The following LGR4 variants were observed in gnomAD, a reference collection of about 807,000 sequenced individuals.
LGR4 encodes leucine rich repeat containing G protein-coupled receptor 4.
LGR4 carries 44 observed loss-of-function variants against 84.8 expected under a neutral mutation model. The observed-to-expected ratio is 0.52, with a 90% confidence interval of 0.41 to 0.67. LGR4 has a LOEUF of 0.67. Among genes scored for constraint, LGR4 ranks in the 30% least tolerant of loss-of-function variants. The pLI, the probability that LGR4 is intolerant of heterozygous loss-of-function variation, is 0.00. For synonymous variants in LGR4, 429 were observed against 434.3 expected (o/e 0.99, Z 0.15); for missense variants, 1,032 against 1,131.4 (o/e 0.91, Z 1.26).
In LGR4 at chr11:27,376,288, G is replaced by T. The variant is rs1267870301; in HGVS notation, c.1181+11C>A. ...AAATTTATTGTCTTTAATAATCATAGACAAACTTACAGAATCCTTAGAGAT... is the reference window on the plus strand; with the variant it reads ...AAATTTATTGTCTTTAATAATCATATACAAACTTACAGAATCCTTAGAGAT... On this transcript the variant is annotated intron_variant, in intron 13 of 17. Coordinates refer to ENST00000379214, the MANE Select transcript of LGR4 (RefSeq NM_018490.5). The T allele has an allele frequency of 4.0e-6, 6 of 1,511,354 alleles. No homozygotes were observed. The highest frequency in any genetic ancestry group is 4.5e-6 in the Non-Finnish European group (5 of 1,101,978). 93.6% of individuals were successfully genotyped at this position (1,511,354 alleles called of 1,614,324 possible).
rs111956059 is a variant in LGR4, at chr11:27,466,946, G to T, written c.185+5172C>A. 3.7e-3 allele frequency among the ~76,000 whole-genome samples: 564 copies of T among 152,028 alleles called. 2 individuals carry two copies. The highest frequency in any genetic ancestry group is 0.02 in the Middle Eastern group (6 of 294). ...CTACAGGCGTGCACCACCACGCCCG[G>T]CTAATTTTTTTTTATTTTAAGTAGA... On this transcript the variant is annotated intron_variant, in intron 1 of 17. Coordinates refer to ENST00000379214, the MANE Select transcript of LGR4 (RefSeq NM_018490.5).
At chr11:27,414,868 T>C (rs1489457793) in intron 1 of LGR4, among the ~76,000 whole-genome samples, 17 of 152,150 alleles carry the variant, frequency 1.1e-4, no homozygotes, top group Non-Finnish European at 2.4e-4. Context: ...CTTCCTGGCC[T>C]GACATGATAT....
intron 1 of LGR4, among the ~76,000 whole-genome samples, chr11:27,449,334 G>A (rs1322746449): frequency 6.6e-6 from 1 of 152,180 alleles, no homozygotes; most frequent in Non-Finnish European, 1.5e-5. Context: ...TGTAATCCCA[G>A]CACTTCAGGA....
At chr11:27,428,027 A>G (rs1194557828) in intron 1 of LGR4, among the ~76,000 whole-genome samples, 2 of 152,118 alleles carry the variant, frequency 1.3e-5, no homozygotes, top group Non-Finnish European at 2.9e-5. Flanking sequence ...TCCTGGATTC[A>G]TATTTTCTTG....
intron 1 of LGR4, among the ~76,000 whole-genome samples, chr11:27,424,077 T>C (rs1181890485): frequency 1.3e-5 from 2 of 152,190 alleles, no homozygotes; most frequent in African/African-American, 2.4e-5. Context: ...TGGTGTTTTA[T>C]TGAAGCAGTT....
chr11:27,395,230 A>G (rs146699495), intron 2 of LGR4, among the ~76,000 whole-genome samples: 18 of 152,290 alleles, frequency 1.2e-4, no homozygotes, highest in African/African-American at 4.3e-4. Context: ...CCTCCAAAAA[A>G]GAAACACTAT....
chr11:27,450,554 CG>C (rs1864465334), intron 1 of LGR4, among the ~76,000 whole-genome samples: 1 of 152,010 alleles, frequency 6.6e-6, no homozygotes, highest in South Asian at 2.1e-4. Context: ...TTTGAGAAGC[CG>C]AGGTGGGTGG....
chr11:27,411,487 T>C (rs944273372), intron 2 of LGR4, among the ~76,000 whole-genome samples: 26 of 152,138 alleles, frequency 1.7e-4, no homozygotes, highest in Non-Finnish European at 3.2e-4. Flanking sequence ...TCTTATGCAC[T>C]TTGAAAATAG....
intron 1 of LGR4, among the ~76,000 whole-genome samples, chr11:27,433,499 G>A (rs891918236): frequency 6.6e-6 from 1 of 151,888 alleles, no homozygotes; most frequent in East Asian, 1.9e-4. Context: ...CCAAAGTGCT[G>A]GGATTACAGG....
At chr11:27,381,705 TC>T (rs113949803) in intron 7 of LGR4, among the ~76,000 whole-genome samples, 59 of 11,590 alleles carry the variant, frequency 5.1e-3, no homozygotes, top group Non-Finnish European at 0.026. Context: ...ATACAAACAA[TC>T]AAAAAAAAAA....
At chr11:27,369,576 C>T (rs1268065502) in intron 17 of LGR4, among the ~76,000 whole-genome samples, 1 of 152,072 alleles carries the variant, frequency 6.6e-6, no homozygotes, top group East Asian at 1.9e-4. Context: ...AACCTGTATT[C>T]ATTTTCTCAC....
At chr11:27,412,659 C>CTCACAAAGCCCACTGAAATTAAGCTA (rs1863732995) in intron 2 of LGR4, 130 bp downstream of exon 2, 2 of 696,532 alleles carry the variant, frequency 2.9e-6, no homozygotes, top group Non-Finnish European at 5.1e-6. Flanking sequence ...TGATTTCCTC[C>CTCACAAAGCCCACTGAAATTAAGCTA]TCACAAAGCC....
chr11:27,445,808 T>C (rs140713777), intron 1 of LGR4, among the ~76,000 whole-genome samples: 1 of 151,702 alleles, frequency 6.6e-6, no homozygotes, highest in African/African-American at 2.4e-5. Flanking sequence ...AGCCCACAGG[T>C]GAAGGTTGCA....
chr11:27,411,015 G>A (rs1008372799), intron 2 of LGR4, among the ~76,000 whole-genome samples: 4 of 152,080 alleles, frequency 2.6e-5, no homozygotes, highest in East Asian at 1.9e-4. Flanking sequence ...TCTTCACTTC[G>A]AAATTCCTTA....
chr11:27,465,527 C>T (rs1864761821), intron 1 of LGR4, among the ~76,000 whole-genome samples: 3 of 152,220 alleles, frequency 2.0e-5, no homozygotes, highest in Admixed American at 6.5e-5. Context: ...CTCAGCCATA[C>T]ACAAAGTTTA....
chr11:27,433,024 C>T (rs1864139705), intron 1 of LGR4, among the ~76,000 whole-genome samples: 1 of 152,162 alleles, frequency 6.6e-6, no homozygotes, highest in African/African-American at 2.4e-5. Context: ...ATAATAAGAA[C>T]TTTGGGTTTG....
rs1863647362 is a variant in LGR4 at position 27,408,126 on chromosome 11, T to C, written c.257+4663A>G. 2.6e-5 allele frequency among the ~76,000 whole-genome samples: 4 copies of C among 152,288 alleles called. No homozygotes were observed. The South Asian group carries it at 8.3e-4, about 32-fold the overall frequency. The stretch of plus-strand genomic sequence containing the variant: ...CTGTATTTGACATATGTTATGTGTG[T>C]GTGTATAAATATGTAATTCAATTAT... On this transcript the variant is annotated intron_variant, in intron 2 of 17. Coordinates refer to ENST00000379214, the MANE Select transcript of LGR4 (RefSeq NM_018490.5).
chr11:27,463,058 C>T (rs1864711559), intron 1 of LGR4, among the ~76,000 whole-genome samples: 1 of 127,388 alleles, frequency 7.9e-6, no homozygotes, highest in Admixed American at 8.6e-5. Context: ...CATGGTGAGA[C>T]CCTGTCTCCA....
intron 1 of LGR4, among the ~76,000 whole-genome samples, chr11:27,459,973 C>A (rs897485288): frequency 1.3e-5 from 2 of 152,034 alleles, no homozygotes; most frequent in Admixed American, 1.3e-4. Context: ...TGCCTGTGGT[C>A]CCAGCTACTC....
Sources: allele counts gnomAD v4.1 joint callset (sites outside exome capture counted in the v4.1 genomes callset), GRCh38; gene constraint gnomAD v4.1.1; transcripts MANE v1.5; gene names NCBI Gene and HGNC (gene_info 2026-07-23, HGNC 2026-07-21).